Variants in EDA observed in about 807,000 individuals in gnomAD.
EDA encodes the protein ectodysplasin A.
EDA carries 2 observed loss-of-function variants against 23.6 expected under a neutral mutation model. The observed-to-expected ratio is 0.08, with a 90% confidence interval of 0.03 to 0.27. The LOEUF is 0.27. EDA is among the 10% of genes least tolerant of loss of function. EDA has a pLI of 1.00. For synonymous variants in EDA, 131 were observed against 132.0 expected (o/e 0.99, Z 0.05); for missense variants, 229 against 324.2 (o/e 0.71, Z 2.26).
chrX:69,815,147 A>G (rs766742419), intron 1 of EDA, among the ~76,000 whole-genome samples: 2 of 112,141 alleles, frequency 1.8e-5, no homozygotes, highest in Non-Finnish European at 1.9e-5. Flanking sequence ...TCTGACTGAG[A>G]CAAGTCCAAG....
At chrX:69,879,755 G>A (rs181562953) in intron 1 of EDA, among the ~76,000 whole-genome samples, 67 of 111,942 alleles carry the variant, frequency 6.0e-4, no homozygotes, top group African/African-American at 2.0e-3. Flanking sequence ...CCACCTACCC[G>A]TTGTTTCTAG....
rs938578165 is a variant in EDA, at chrX:69,838,302, A to G, written c.397-118725A>G. ...AATGATCTTTACATTAGCTAATGCCATGTGATAAAATGTGCATGTAGGATT... is the reference window on the plus strand; with the variant it reads ...AATGATCTTTACATTAGCTAATGCCGTGTGATAAAATGTGCATGTAGGATT... On this transcript the variant is annotated intron_variant, in intron 1 of 7. Transcript: ENST00000374552. Among the ~76,000 whole-genome samples the G allele has an allele frequency of 2.7e-5, 3 of 113,157 alleles. No individual in the cohort carries two copies. The Admixed American group carries it at 2.8e-4, about 11-fold the overall frequency.
chrX:69,954,396 A>G (rs73226451), intron 1 of EDA, among the ~76,000 whole-genome samples: 28,349 of 110,347 alleles, frequency 0.26, 3,617 homozygotes, highest in Middle Eastern at 0.48. Context: ...GTTGTGTTAG[A>G]TGCTTCCCCT....
At chrX:69,876,927 A>G (rs1211399575) in intron 1 of EDA, among the ~76,000 whole-genome samples, 4 of 112,674 alleles carry the variant, frequency 3.6e-5, no homozygotes, top group African/African-American at 1.3e-4. Context: ...TAAACATAAC[A>G]TCATTTCTCT....
intron 1 of EDA, among the ~76,000 whole-genome samples, chrX:69,942,371 C>T (rs1450858061): frequency 2.7e-5 from 3 of 111,402 alleles, no homozygotes; most frequent in Admixed American, 9.5e-5. Context: ...TTTTGTAGGA[C>T]AGGCCTGGTG....
At chrX:69,703,154 C>T (rs1470575434) in intron 1 of EDA, among the ~76,000 whole-genome samples, 1 of 111,403 alleles carries the variant, frequency 9.0e-6, no homozygotes, top group Non-Finnish European at 1.9e-5. Flanking sequence ...GAAGTGTCCC[C>T]CTAAGACCAG....
intron 1 of EDA, chrX:69,670,393 G>A (rs1406055177): frequency 1.4e-5 from 4 of 294,686 alleles, no homozygotes; most frequent in African/African-American, 1.1e-4. Flanking sequence ...CCTTTGGGTA[G>A]TAACTGTTTG....
intron 1 of EDA, among the ~76,000 whole-genome samples, chrX:69,679,783 T>A (rs756570004): frequency 6.3e-5 from 7 of 111,024 alleles, no homozygotes; most frequent in Non-Finnish European, 9.4e-5. Flanking sequence ...TCCTGGATTC[T>A]TTAATTTTTT....
At chrX:69,919,335 G>A (rs1209935452) in intron 1 of EDA, among the ~76,000 whole-genome samples, 5 of 112,101 alleles carry the variant, frequency 4.5e-5, no homozygotes, top group Admixed American at 9.5e-5. Context: ...TTACCCAAAG[G>A]AATAACAGAA....
At chrX:69,973,441 GCAAA>G (rs748020977) in intron 2 of EDA, among the ~76,000 whole-genome samples, 3 of 111,791 alleles carry the variant, frequency 2.7e-5, no homozygotes, top group Non-Finnish European at 3.8e-5. Flanking sequence ...GTCCAGTAGA[GCAAA>G]CAAAGATTGT....
intron 1 of EDA, among the ~76,000 whole-genome samples, chrX:69,677,333 G>A (rs922680372): frequency 1.0e-4 from 11 of 109,868 alleles, no homozygotes; most frequent in African/African-American, 3.6e-4. Context: ...TAGTCCTTTG[G>A]GTATATACCC....
chrX:69,822,998 C>T (rs1466674238), intron 1 of EDA, among the ~76,000 whole-genome samples: 1 of 100,360 alleles, frequency 1.0e-5, no homozygotes, highest in Non-Finnish European at 2.0e-5. Flanking sequence ...TTTCCAATTT[C>T]ATCCAAGTCC....
intron 1 of EDA, among the ~76,000 whole-genome samples, chrX:69,816,468 G>A (rs2016084836): frequency 9.0e-6 from 1 of 111,588 alleles, no homozygotes; most frequent in South Asian, 3.8e-4. Flanking sequence ...TACAGGAGCA[G>A]ATAGCCACAA....
At chrX:69,906,767 A>G (rs1321375351) in intron 1 of EDA, among the ~76,000 whole-genome samples, 1 of 110,852 alleles carries the variant, frequency 9.0e-6, no homozygotes, top group East Asian at 2.8e-4. Context: ...ACGCACACAC[A>G]TACACACCCC....
At chrX:69,654,715 C>T (rs1402480993) in intron 1 of EDA, among the ~76,000 whole-genome samples, 2 of 101,215 alleles carry the variant, frequency 2.0e-5, no homozygotes, top group Non-Finnish European at 3.9e-5. Flanking sequence ...CCAAACACTG[C>T]ATGTTCTCAC....
intron 1 of EDA, among the ~76,000 whole-genome samples, chrX:69,913,986 G>A (rs748527452): frequency 6.3e-5 from 7 of 111,743 alleles, no homozygotes; most frequent in African/African-American, 2.3e-4. Flanking sequence ...GGTGCAGTTT[G>A]TAGTGACCCA....
chrX:69,850,435 C>T (rs2017102449), intron 1 of EDA, among the ~76,000 whole-genome samples: 2 of 112,026 alleles, frequency 1.8e-5, no homozygotes, highest in South Asian at 7.4e-4. Context: ...ATAGAAGGCA[C>T]CCTTAGCTTT....
intron 1 of EDA, chrX:69,938,111 A>C: frequency 2.4e-6 from 2 of 824,015 alleles, no homozygotes; most frequent in African/African-American, 4.1e-5. Context: ...TTATTTATGT[A>C]CTTGTGTCAC....
chrX:69,782,258 A>AT (rs2014967494), intron 1 of EDA, among the ~76,000 whole-genome samples: 6 of 107,059 alleles, frequency 5.6e-5, no homozygotes, highest in Non-Finnish European at 1.2e-4. Context: ...GGTGACTGGG[A>AT]GGAGGAAGAG....
Sources: gnomAD v4.1 joint callset for allele counts (sites outside exome capture counted in the v4.1 genomes callset) on GRCh38, gnomAD v4.1.1 for gene constraint, MANE v1.5 for transcripts, NCBI Gene and HGNC (gene_info 2026-07-23, HGNC 2026-07-21) for gene names.